XIRP2: variants seen among roughly 807,000 people sequenced by gnomAD.
XIRP2 encodes the protein xin actin-binding repeat-containing protein 2.
XIRP2 carries 236 observed loss-of-function variants against 277.0 expected under a neutral mutation model. The observed-to-expected ratio is 0.85, with a 90% CI of 0.77 to 0.95. The LOEUF (loss-of-function observed/expected upper bound fraction) is 0.95. Among genes scored for constraint, XIRP2 ranks in the 40% least tolerant of loss-of-function variants. The pLI, the probability that XIRP2 is intolerant of heterozygous loss-of-function variation, is 0.00. For missense variants in XIRP2, 4,640 were observed against 4,157.5 expected, an observed-to-expected ratio of 1.12 and a Z score of -3.19; for synonymous variants, 1,490 against 1,416.5, an observed-to-expected ratio of 1.05 and a Z score of -1.17.
intron 5 of XIRP2, among the ~76,000 whole-genome samples, chr2:167,228,185 C>A (rs965842580): frequency 8.5e-5 from 13 of 152,108 alleles, no homozygotes; most frequent in African/African-American, 2.9e-4. Flanking sequence ...TACATTATAG[C>A]CACACACTAT....
chr2:167,054,000 T>C (rs1688981549), intron 2 of XIRP2, among the ~76,000 whole-genome samples: 2 of 152,320 alleles, frequency 1.3e-5, no homozygotes, highest in East Asian at 3.9e-4. Context: ...TATTTTTCTT[T>C]GGAAATGTTT....
chr2:167,139,437 A>T (rs972350397), intron 3 of XIRP2, among the ~76,000 whole-genome samples: 1 of 152,172 alleles, frequency 6.6e-6, no homozygotes, highest in Non-Finnish European at 1.5e-5. Context: ...TATATATTCA[A>T]AGTCACTTTT....
chr2:166,925,231 A>T (rs573204326), intron 2 of XIRP2, among the ~76,000 whole-genome samples: 1 of 152,152 alleles, frequency 6.6e-6, no homozygotes, highest in Admixed American at 6.5e-5. Context: ...TCTTAGTATA[A>T]AAGGCATATG....
chr2:166,966,772 C>T (rs1686444276), intron 2 of XIRP2, among the ~76,000 whole-genome samples: 1 of 151,988 alleles, frequency 6.6e-6, no homozygotes, highest in African/African-American at 2.4e-5. Context: ...GTTCTGATGG[C>T]AGGGTAAATT....
At chr2:166,932,166 T>G (rs1251475654) in intron 2 of XIRP2, among the ~76,000 whole-genome samples, 1 of 152,060 alleles carries the variant, frequency 6.6e-6, no homozygotes, top group African/African-American at 2.4e-5. Context: ...TTTCCCAGAT[T>G]ATCATCTTCC....
chr2:167,144,960 T>C (rs16853036), intron 3 of XIRP2, among the ~76,000 whole-genome samples: 8,450 of 152,216 alleles, frequency 0.056, 266 homozygotes, highest in African/African-American at 0.081. Flanking sequence ...AACTGCTGCA[T>C]TGGAAGTTGG....
intron 2 of XIRP2, among the ~76,000 whole-genome samples, chr2:167,003,904 C>T (rs1324618633): frequency 3.3e-5 from 5 of 151,742 alleles, no homozygotes; most frequent in Non-Finnish European, 7.4e-5. Flanking sequence ...ATACTGCTAT[C>T]AAATATATTG....
intron 1 of XIRP2, among the ~76,000 whole-genome samples, chr2:166,891,029 G>C (rs1287837227): frequency 1.3e-5 from 2 of 152,108 alleles, no homozygotes; most frequent in African/African-American, 2.4e-5. Context: ...GAGAGATTTG[G>C]TGTCTTGTAG....
At chr2:167,019,575 C>A (rs1687926670) in intron 2 of XIRP2, among the ~76,000 whole-genome samples, 1 of 151,436 alleles carries the variant, frequency 6.6e-6, no homozygotes, top group African/African-American at 2.4e-5. Flanking sequence ...AAATGTCAAA[C>A]ACTCTCAATT....
intron 3 of XIRP2, among the ~76,000 whole-genome samples, chr2:167,159,810 GTTA>G (rs1169949416): frequency 1.3e-5 from 2 of 152,054 alleles, no homozygotes; most frequent in South Asian, 2.1e-4. Flanking sequence ...TCATTTCTAG[GTTA>G]TTGTTTTATT....
At chr2:166,940,331 C>A (rs572250537) in intron 2 of XIRP2, among the ~76,000 whole-genome samples, 2 of 152,188 alleles carry the variant, frequency 1.3e-5, no homozygotes, top group Non-Finnish European at 2.9e-5. Flanking sequence ...ACTGGTTATT[C>A]TAGTTAGCCA....
intron 3 of XIRP2, among the ~76,000 whole-genome samples, chr2:167,196,313 G>T (rs370400781): frequency 3.4e-4 from 52 of 151,910 alleles, no homozygotes; most frequent in African/African-American, 1.2e-3. Context: ...GGTGTAATAC[G>T]GATGAAGCTG....
chr2:167,029,792 C>G (rs1188913210), intron 2 of XIRP2, among the ~76,000 whole-genome samples: 1 of 152,102 alleles, frequency 6.6e-6, no homozygotes, highest in Non-Finnish European at 1.5e-5. Flanking sequence ...TACAGCTCCT[C>G]TTTGTACCTC....
intron 2 of XIRP2, among the ~76,000 whole-genome samples, chr2:166,940,361 A>G (rs1388306770): frequency 6.6e-6 from 1 of 152,070 alleles, no homozygotes; most frequent in Non-Finnish European, 1.5e-5. Flanking sequence ...TCTTTTTTCA[A>G]GGTTTTTAGC....
intron 2 of XIRP2, among the ~76,000 whole-genome samples, chr2:167,061,489 T>G (rs1281367387): frequency 6.6e-6 from 1 of 152,152 alleles, no homozygotes; most frequent in Non-Finnish European, 1.5e-5. Context: ...GTAGATGCCA[T>G]TTACCCTAGG....
At chr2:167,255,833 T>G (rs369989799) in intron 10 of XIRP2, among the ~76,000 whole-genome samples, 163 of 152,030 alleles carry the variant, frequency 1.1e-3, no homozygotes, top group African/African-American at 3.8e-3. Context: ...CGTTGAATTC[T>G]TACATGCTGA....
intron 4 of XIRP2, among the ~76,000 whole-genome samples, chr2:167,213,532 C>T (rs1694119898): frequency 6.6e-6 from 1 of 152,152 alleles, no homozygotes; most frequent in South Asian, 2.1e-4. Flanking sequence ...TCAGCACACC[C>T]ATTAGATTCC....
chr2:166,987,980 A>G (rs1687052511), intron 2 of XIRP2, among the ~76,000 whole-genome samples: 1 of 152,262 alleles, frequency 6.6e-6, no homozygotes, highest in Non-Finnish European at 1.5e-5. Flanking sequence ...CACAATGGAA[A>G]TATAAAATAA....
intron 3 of XIRP2, among the ~76,000 whole-genome samples, chr2:167,166,533 G>A (rs376076518): frequency 6.6e-6 from 1 of 152,242 alleles, no homozygotes; most frequent in East Asian, 1.9e-4. Flanking sequence ...CCTGACCCTG[G>A]ATAATTTATA....
Sources: allele counts gnomAD v4.1 joint callset (sites outside exome capture counted in the v4.1 genomes callset), GRCh38; gene constraint gnomAD v4.1.1; transcripts MANE v1.5; gene names NCBI Gene and HGNC (gene_info 2026-07-23, HGNC 2026-07-21).